Variants in DPP10 observed in about 807,000 individuals in gnomAD.
DPP10 encodes the protein dipeptidyl peptidase like 10, also known as inactive dipeptidyl peptidase 10.
Under a neutral mutation model 120.9 loss-of-function variants are expected in DPP10, and 33 were observed. The observed-to-expected ratio is 0.27, with a 90% CI of 0.21 to 0.37. The LOEUF is 0.37. DPP10 is among the 10% of genes least tolerant of loss of function. The pLI is 1.00. For synonymous variants in DPP10, 337 were observed against 326.1 expected (o/e 1.03, Z -0.36); for missense variants, 816 against 942.8 (o/e 0.87, Z 1.76).
chr2:114,525,997 T>C (rs1685469064), intron 1 of DPP10, among the ~76,000 whole-genome samples: 1 of 152,170 alleles, frequency 6.6e-6, no homozygotes, highest in Admixed American at 6.5e-5. Flanking sequence ...AATATGAGCA[T>C]AATACAAGGA....
At chr2:115,704,184 A>G (rs2092004762) in intron 7 of DPP10, among the ~76,000 whole-genome samples, 1 of 151,884 alleles carries the variant, frequency 6.6e-6, no homozygotes, top group South Asian at 2.1e-4. Flanking sequence ...TTTCTGGATG[A>G]AAGACACCTG....
intron 5 of DPP10, among the ~76,000 whole-genome samples, chr2:115,635,247 G>A (rs554633017): frequency 7.2e-5 from 11 of 152,244 alleles, no homozygotes; most frequent in African/African-American, 2.4e-4. Flanking sequence ...CTGGGAACTC[G>A]GTAGTCTTAG....
At chr2:115,444,799 C>T (rs1450923061) in intron 3 of DPP10, among the ~76,000 whole-genome samples, 1 of 152,166 alleles carries the variant, frequency 6.6e-6, no homozygotes, top group African/African-American at 2.4e-5. Flanking sequence ...GTCTAGATAG[C>T]TGTGTACCTA....
intron 1 of DPP10, among the ~76,000 whole-genome samples, chr2:115,143,406 A>G (rs1349844361): frequency 1.3e-5 from 2 of 152,228 alleles, no homozygotes; most frequent in Admixed American, 6.5e-5. Context: ...TTATTAAAAC[A>G]ACAATGACAA....
At chr2:115,050,466 T>C (rs1184067327) in intron 1 of DPP10, among the ~76,000 whole-genome samples, 1 of 152,144 alleles carries the variant, frequency 6.6e-6, no homozygotes, top group Non-Finnish European at 1.5e-5. Context: ...CTCCCAGTGC[T>C]GAGGTTGCTA....
chr2:114,814,821 G>A (rs943303042), intron 1 of DPP10, among the ~76,000 whole-genome samples: 5 of 152,166 alleles, frequency 3.3e-5, no homozygotes, highest in African/African-American at 9.7e-5. Context: ...TCCTGTCATG[G>A]TTCTCAGTCC....
intron 21 of DPP10, among the ~76,000 whole-genome samples, chr2:115,824,881 G>A (rs1365179381): frequency 6.6e-6 from 1 of 152,030 alleles, no homozygotes; most frequent in Non-Finnish European, 1.5e-5. Flanking sequence ...TCTTTTCTAT[G>A]TATTAAAATG....
intron 1 of DPP10, among the ~76,000 whole-genome samples, chr2:114,663,331 G>A (rs530494704): frequency 1.3e-4 from 19 of 149,868 alleles, no homozygotes; most frequent in Admixed American, 4.7e-4. Flanking sequence ...TGAAATGAGT[G>A]AGCTCTGGTT....
intron 1 of DPP10, among the ~76,000 whole-genome samples, chr2:114,934,995 C>T (rs958423740): frequency 6.6e-6 from 1 of 152,080 alleles, no homozygotes; most frequent in Non-Finnish European, 1.5e-5. Flanking sequence ...TTTACTGAGC[C>T]TTTAATGAAT....
chr2:114,499,514 C>A (rs1457101740), intron 1 of DPP10, among the ~76,000 whole-genome samples: 1 of 151,986 alleles, frequency 6.6e-6, no homozygotes, highest in African/African-American at 2.4e-5. Flanking sequence ...TTCACTTCTG[C>A]TGTTTTGGGA....
chr2:114,942,437 T>C (rs2104579879), intron 1 of DPP10, among the ~76,000 whole-genome samples: 2 of 145,200 alleles, frequency 1.4e-5, no homozygotes, highest in South Asian at 4.3e-4. Context: ...TCTTGATATC[T>C]GTATCCCATC....
At chr2:115,628,810 G>GT (rs200950329) in intron 5 of DPP10, among the ~76,000 whole-genome samples, 31 of 150,536 alleles carry the variant, frequency 2.1e-4, no homozygotes, top group African/African-American at 4.1e-4. Flanking sequence ...TCTAGGTCAA[G>GT]TTTTTTTTTA....
intron 1 of DPP10, among the ~76,000 whole-genome samples, chr2:114,835,877 T>C (rs1335460232): frequency 1.3e-5 from 2 of 151,896 alleles, no homozygotes; most frequent in African/African-American, 4.8e-5. Context: ...CAATTCAGCA[T>C]ATAAGTAGAA....
At chr2:115,815,103 G>A in intron 20 of DPP10, 116 bp downstream of exon 20, 3 of 1,049,538 alleles carry the variant, frequency 2.9e-6, no homozygotes, top group Non-Finnish European at 2.6e-6. Flanking sequence ...GAGCAATTTT[G>A]TAAGTTAATC....
intron 1 of DPP10, among the ~76,000 whole-genome samples, chr2:114,904,567 A>G (rs1266928515): frequency 1.3e-5 from 2 of 152,238 alleles, no homozygotes; most frequent in Admixed American, 6.5e-5. Flanking sequence ...CAGCCAATTC[A>G]TATTGCAAAT....
intron 1 of DPP10, among the ~76,000 whole-genome samples, chr2:114,939,046 T>G (rs1050031509): frequency 1.3e-5 from 2 of 152,114 alleles, no homozygotes; most frequent in Non-Finnish European, 2.9e-5. Context: ...AATACATATG[T>G]GTGTGCTTTT....
chr2:114,596,442 A>G (rs1691913607), intron 1 of DPP10, among the ~76,000 whole-genome samples: 1 of 152,118 alleles, frequency 6.6e-6, no homozygotes, highest in Non-Finnish European at 1.5e-5. Flanking sequence ...AGAGGATTTC[A>G]TAGCCACTAA....
At chr2:115,064,598 G>A in intron 1 of DPP10, 10 of 1,215,632 alleles carry the variant, frequency 8.2e-6, no homozygotes, top group Non-Finnish European at 1.1e-5. Context: ...GGACATAGGT[G>A]GGCACTGACG....
At position 114,934,596 on chromosome 2, in the gene DPP10, G is replaced by T. The variant is rs1484780598; in HGVS notation, c.61-374643G>T. Among the ~76,000 whole-genome samples the T allele has an allele frequency of 2.6e-5, 4 of 151,978 alleles. No homozygotes were observed. In the East Asian group the frequency reaches 7.7e-4, roughly 29 times the overall value. On this transcript the variant is annotated intron_variant, in intron 1 of 25. Transcript: ENST00000410059. ...AAGTGGACCCCTGTAGTTGAAATCTGTGTCATTCATGGGTCAACTCTGTGT... is the reference window on the plus strand; with the variant it reads ...AAGTGGACCCCTGTAGTTGAAATCTTTGTCATTCATGGGTCAACTCTGTGT...
Sources: gnomAD v4.1 joint callset for allele counts (sites outside exome capture counted in the v4.1 genomes callset) on GRCh38, gnomAD v4.1.1 for gene constraint, MANE v1.5 for transcripts, NCBI Gene and HGNC (gene_info 2026-07-23, HGNC 2026-07-21) for gene names.